ANKRD54: variants seen among roughly 807,000 people sequenced by gnomAD.
The protein encoded by ANKRD54 is ankyrin repeat domain-containing protein 54.
ANKRD54 carries 26 observed loss-of-function variants against 36.2 expected under a neutral mutation model. That is an observed-to-expected ratio of 0.72 (90% CI 0.53 to 1.00). The LOEUF is 1.00. Among genes scored for constraint, ANKRD54 ranks in the 50% least tolerant of loss-of-function variants. The pLI is 0.00. For synonymous variants in ANKRD54, 209 were observed against 188.4 expected, an observed-to-expected ratio of 1.11 and a Z score of -0.89; for missense variants, 384 against 424.3, an observed-to-expected ratio of 0.91 and a Z score of 0.83.
In ANKRD54 at chr22:37,833,685, C is replaced by CA. The variant is rs1923180201; in HGVS notation, c.545dup (p.Ala183GlyfsTer74). 3.1e-6 allele frequency: 5 copies of CA among 1,613,976 alleles called. No homozygotes were observed. The highest frequency in any genetic ancestry group is 4.2e-6 in the Non-Finnish European group (5 of 1,179,982). Reference sequence around the variant, plus strand: ...CTTAGTGACTTCTGACATGCTTACCCAGGTGCAGTGGCGTGTTCCCCAGCC... The same window carrying CA: ...CTTAGTGACTTCTGACATGCTTACCCAAGGTGCAGTGGCGTGTTCCCCAGCC... On this transcript the variant is annotated frameshift_variant and splice_region_variant, in exon 4 of 8. Coordinates refer to ENST00000215941, the MANE Select transcript of ANKRD54 (RefSeq NM_138797.4). LOFTEE classifies it high-confidence loss of function.
At chr22:37,845,053 A>G (rs1924757433), upstream of ANKRD54, among the ~76,000 whole-genome samples, 2 of 151,708 alleles carry the variant, frequency 1.3e-5, no homozygotes, top group African/African-American at 4.8e-5. Flanking sequence ...CTTCCCACAA[A>G]TGCATAATGT....
Position 37,844,226 on chromosome 22 carries a change from C to A in ANKRD54, c.13G>T (p.Ala5Ser). The change falls in exon 1 of 8, where the codon GCC becomes TCC. Residue 5 changes from alanine (A) to serine (S), a missense_variant. Ala to Ser is a moderately conservative substitution (Grantham distance 99). Coordinates refer to ENST00000215941, the MANE Select transcript of ANKRD54 (RefSeq NM_138797.4). MAAA[A>S]GDADDEPRSG... is the part of the protein sequence containing the mutation. The stretch of plus-strand genomic sequence containing the variant: ...CGCGGCTCGTCGTCCGCGTCCCCGG[C>A]GGCGGCTGCCATGGCAACGGCTCCG... 1 of 1,537,404 alleles carries A rather than the reference C, an allele frequency of 6.5e-7. No individual in the cohort carries two copies. The highest frequency in any genetic ancestry group is 8.7e-7 in the Non-Finnish European group (1 of 1,152,220).
At chr22:37,844,904 T>C (rs1924744284), upstream of ANKRD54, among the ~76,000 whole-genome samples, 1 of 150,528 alleles carries the variant, frequency 6.6e-6, no homozygotes, top group Non-Finnish European at 1.5e-5. Flanking sequence ...CCCAGTCTAA[T>C]GAGAAAACAA....
Position 37,831,152 on chromosome 22 carries a change from T to G in ANKRD54, c.*791A>C, listed in dbSNP as rs1472575313. 6.6e-6 allele frequency: 1 copy of G among 152,250 alleles called. No individual in the cohort carries two copies. The highest frequency in any genetic ancestry group is 6.5e-5 in the Admixed American group (1 of 15,272). The allele number at this position is 152,250 out of a possible 1,614,324, so 9.4% of individuals were successfully genotyped here. A position where few individuals can be genotyped will look rare whatever the true frequency, so the allele number is the denominator to read the frequency against. ...CCTGAACAAGCTGGGATAATCTTCCTGGCGAAAGATCCTTAACTTCATTAC... is the reference window on the plus strand; with the variant it reads ...CCTGAACAAGCTGGGATAATCTTCCGGGCGAAAGATCCTTAACTTCATTAC... On this transcript the variant is annotated 3_prime_UTR_variant, in exon 8 of 8. Coordinates refer to ENST00000215941, the MANE Select transcript of ANKRD54 (RefSeq NM_138797.4).
upstream of ANKRD54, among the ~76,000 whole-genome samples, chr22:37,846,104 G>T (rs1189064502): frequency 6.6e-6 from 1 of 151,982 alleles, no homozygotes; most frequent in Non-Finnish European, 1.5e-5. Flanking sequence ...GAACCCAGGA[G>T]GCAGAGCTTG....
At position 37,840,208 on chromosome 22, in the gene ANKRD54, T is replaced by C; in HGVS notation, c.355A>G (p.Asn119Asp). The change falls in exon 2 of 8, where the codon AAT (asparagine) becomes GAT (aspartate). Residue 119 changes from asparagine (N) to aspartate (D), a missense_variant. Physicochemically the swap from Asn to Asp is conservative, Grantham distance 23. Transcript: ENST00000215941. ...TCACCTGTTTCCACATCATTGGCATTGGCCGAGTCCCTCAGTCTCTTCAGA... is the reference window on the plus strand; with the variant it reads ...TCACCTGTTTCCACATCATTGGCATCGGCCGAGTCCCTCAGTCTCTTCAGA... ...HALKRLRDSA[N>D]ANDVETVQQL... is the part of the protein sequence containing the mutation. 6.2e-7 allele frequency: 1 copy of C among 1,614,034 alleles called. No individual in the cohort carries two copies. Among genetic ancestry groups the C allele is most frequent in the Non-Finnish European group, 8.5e-7 (1 of 1,179,928 alleles).
rs138544131 is a variant in ANKRD54, at chr22:37,841,006, C to T, written c.329-772G>A. ...CCGAGGTAGGAGAATGGGTTGAAGC[C>T]GGAAGGCGGAGGCTACAGTGAGATG... On this transcript the variant is annotated intron_variant, in intron 1 of 7. Transcript: ENST00000215941. Among the ~76,000 whole-genome samples, 8 of 149,668 alleles carry T rather than the reference C, an allele frequency of 5.3e-5. No homozygotes were observed. In the East Asian group the frequency reaches 1.2e-3, roughly 23 times the overall value.
At chr22:37,841,941 G>A (rs1219701413) in intron 1 of ANKRD54, among the ~76,000 whole-genome samples, 2 of 151,428 alleles carry the variant, frequency 1.3e-5, no homozygotes, top group African/African-American at 4.9e-5. Flanking sequence ...GTGCATGCCT[G>A]TAATCCCAGC....
At position 37,844,213 on chromosome 22, in the gene ANKRD54, T is replaced by A; in HGVS notation, c.26A>T (p.Asp9Val). 1 of 1,527,352 alleles carries A rather than the reference T, an allele frequency of 6.5e-7. No individual in the cohort carries two copies. The highest frequency in any genetic ancestry group is 1.2e-5 in the South Asian group (1 of 82,488). The allele number at this position is 1,527,352 out of a possible 1,614,324, so 94.6% of individuals were successfully genotyped here. A position where few individuals can be genotyped will look rare whatever the true frequency, so the allele number is the denominator to read the frequency against. Residue 9 changes from aspartate to valine, a missense_variant, in exon 1 of 8, where the codon GAC (aspartate) becomes GTC (valine). Coordinates refer to ENST00000215941, the MANE Select transcript of ANKRD54 (RefSeq NM_138797.4). Reference sequence around the variant, plus strand: ...CGAGTGGCCTGAGCGCGGCTCGTCGTCCGCGTCCCCGGCGGCGGCTGCCAT... The same window carrying A: ...CGAGTGGCCTGAGCGCGGCTCGTCGACCGCGTCCCCGGCGGCGGCTGCCAT... MAAAAGDA[D>V]DEPRSGHSSS...
chr22:37,843,985 T>C lies in ANKRD54; in HGVS notation c.254A>G (p.Lys85Arg), dbSNP rs1361010636. ...DAEPRDELRC[K>R]IPAGRLRRAA... ...GCGCCTCAGCCGGCCAGCGGGTATC[T>C]TGCAGCGCAGCTCGTCGCGCGGCTC... The change falls in exon 1 of 8, where the codon AAG becomes AGG. Residue 85 changes from lysine to arginine, a missense_variant. Physicochemically the swap from Lys to Arg is conservative, Grantham distance 26 (BLOSUM62 2). This residue lies in a region of ANKRD54 where 195 missense variants were observed against 177.7 expected (regional missense o/e 1.10). Coordinates refer to ENST00000215941, the MANE Select transcript of ANKRD54 (RefSeq NM_138797.4). The C allele has an allele frequency of 2.1e-6, 3 of 1,422,350 alleles. No individual in the cohort carries two copies. Among genetic ancestry groups the C allele is most frequent in the South Asian group, 2.9e-5 (2 of 69,550 alleles). The allele number at this position is 1,422,350 out of a possible 1,614,324, so 88.1% of individuals were successfully genotyped here. A position where few individuals can be genotyped will look rare whatever the true frequency, so the allele number is the denominator to read the frequency against.
At chr22:37,833,609 G>A (rs1232931281) in intron 4 of ANKRD54, 75 bp downstream of exon 4, 92 of 1,522,064 alleles carry the variant, frequency 6.0e-5, no homozygotes, top group Non-Finnish European at 7.7e-5. Context: ...GGAGCATGCC[G>A]GGCCCCACCC....
chr22:37,834,528 C>T (rs1157818489), intron 3 of ANKRD54: 6 of 150,640 alleles, frequency 4.0e-5, no homozygotes, highest in Non-Finnish European at 8.9e-5. Flanking sequence ...AACCCTTTCT[C>T]TATACTAAAA....
At chr22:37,842,906 C>G (rs923639212) in intron 1 of ANKRD54, among the ~76,000 whole-genome samples, 1 of 152,168 alleles carries the variant, frequency 6.6e-6, no homozygotes, top group Non-Finnish European at 1.5e-5. Flanking sequence ...CGGGCTGACC[C>G]GGATTCTAAT....
upstream of ANKRD54, chr22:37,849,312 C>G: frequency 9.6e-7 from 1 of 1,040,490 alleles, no homozygotes; most frequent in Non-Finnish European, 1.5e-6. Flanking sequence ...CTGGATATGG[C>G]TGTCTCAGAT....
upstream of ANKRD54, among the ~76,000 whole-genome samples, chr22:37,846,928 AC>A (rs1924871369): frequency 6.8e-6 from 1 of 147,678 alleles, no homozygotes; most frequent in African/African-American, 2.5e-5. Context: ...ATCTCGGCTC[AC>A]TGCAAGCTCC....
rs1924631293 is a variant in ANKRD54, at chr22:37,844,049, G to A, written c.190C>T (p.Pro64Ser). Residue 64 changes from proline (P) to serine (S), a missense_variant, in exon 1 of 8, where the codon CCG becomes TCG. Coordinates refer to ENST00000215941, the MANE Select transcript of ANKRD54 (RefSeq NM_138797.4). ...SGRASGGAQS[P>S]LRYLHVLWQQ... ...CACAGGACGTGCAAGTAGCGCAGCGGCGACTGGGCCCCGCCGGACGCCCGG... is the reference window on the plus strand; with the variant it reads ...CACAGGACGTGCAAGTAGCGCAGCGACGACTGGGCCCCGCCGGACGCCCGG... The A allele has an allele frequency of 7.0e-7, 1 of 1,437,736 alleles. No individual in the cohort carries two copies. Among genetic ancestry groups the A allele is most frequent in the Non-Finnish European group, 9.1e-7 (1 of 1,102,912 alleles). 89.1% of individuals were successfully genotyped at this position (1,437,736 alleles called of 1,614,324 possible).
intron 1 of ANKRD54, among the ~76,000 whole-genome samples, chr22:37,841,894 A>AATAAC (rs1924321509): frequency 1.5e-5 from 2 of 133,046 alleles, no homozygotes; most frequent in Admixed American, 7.6e-5. Flanking sequence ...TAAATAAATA[A>AATAAC]ATAAAATAAA....
chr22:37,838,648 G>A lies in ANKRD54; in HGVS notation c.377-50C>T, dbSNP rs1296980360. The A allele has an allele frequency of 1.9e-6, 3 of 1,561,650 alleles. No individual in the cohort carries two copies. In the South Asian group the frequency reaches 3.5e-5, roughly 18 times the overall value. On this transcript the variant is annotated intron_variant, in intron 2 of 7. Coordinates refer to ENST00000215941, the MANE Select transcript of ANKRD54 (RefSeq NM_138797.4). The stretch of plus-strand genomic sequence containing the variant: ...GAAGGGGGAGAAAGCGGCGATGTTA[G>A]CTAAGCTGCAGACCCGAGCGATGGA...
In ANKRD54 at chr22:37,831,295, C is replaced by T. The variant is rs1190705527; in HGVS notation, c.*648G>A. The T allele has an allele frequency of 6.6e-6, 1 of 152,244 alleles. No individual in the cohort carries two copies. Among genetic ancestry groups the T allele is most frequent in the Non-Finnish European group, 1.5e-5 (1 of 68,070 alleles). The allele number at this position is 152,244 out of a possible 1,614,324, so 9.4% of individuals were successfully genotyped here. On this transcript the variant is annotated 3_prime_UTR_variant, in exon 8 of 8. Coordinates refer to ENST00000215941, the MANE Select transcript of ANKRD54 (RefSeq NM_138797.4). ...CAACTGGGCAGCAAAACTATTACAC[C>T]CTCCGGTATAATAGTTTTGGTGTTT...
Sources: allele counts gnomAD v4.1 joint callset (sites outside exome capture counted in the v4.1 genomes callset), GRCh38; gene constraint gnomAD v4.1.1; regional missense constraint gnomAD v4.1.1; transcripts MANE v1.5; gene names NCBI Gene and HGNC (gene_info 2026-07-23, HGNC 2026-07-21).